The following MTHFD1 variants were observed in gnomAD, a reference collection of about 807,000 sequenced individuals.
MTHFD1 encodes methylenetetrahydrofolate dehydrogenase, cyclohydrolase and formyltetrahydrofolate synthetase 1, also known as C-1-tetrahydrofolate synthase, cytoplasmic.
Under a neutral mutation model 110.3 loss-of-function variants are expected in MTHFD1, and 44 were observed. The ratio of observed to expected loss-of-function variants is 0.40; its 90% CI spans 0.31 to 0.51. MTHFD1 has a LOEUF of 0.51. Among genes scored for constraint, MTHFD1 ranks in the 20% least tolerant of loss-of-function variants. The probability of loss-of-function intolerance (pLI) is 0.60; values close to 1 mark genes in which losing one functional copy is unlikely to be tolerated. For missense variants in MTHFD1, 909 were observed against 1,173.1 expected, an observed-to-expected ratio of 0.77 and a Z score of 3.29; for synonymous variants, 402 against 428.8, an observed-to-expected ratio of 0.94 and a Z score of 0.77.
chr14:64,420,702 T>A (rs1309233565), intron 8 of MTHFD1, among the ~76,000 whole-genome samples: 2 of 152,180 alleles, frequency 1.3e-5, no homozygotes, highest in African/African-American at 4.8e-5. Context: ...ACGTTCACCT[T>A]CTGGCATGGA....
At chr14:64,398,879 T>G (rs2077876690) in intron 1 of MTHFD1, among the ~76,000 whole-genome samples, 1 of 152,254 alleles carries the variant, frequency 6.6e-6, no homozygotes, top group Admixed American at 6.5e-5. Flanking sequence ...TATTTATGGA[T>G]GTAATTTCAT....
At chr14:64,439,894 C>CAAAA (rs760527922) in intron 17 of MTHFD1, among the ~76,000 whole-genome samples, 2 of 56,578 alleles carry the variant, frequency 3.5e-5, no homozygotes, top group Non-Finnish European at 7.2e-5. Context: ...ACTCTGTCTC[C>CAAAA]AAAAAAAAAA....
In MTHFD1 at chr14:64,431,639, G is replaced by C. The variant is rs1459016035; in HGVS notation, c.1419G>C (p.Lys473Asn). 6.2e-7 allele frequency: 1 copy of C among 1,613,766 alleles called. No individual in the cohort carries two copies. Among genetic ancestry groups the C allele is most frequent in the African/African-American group, 1.3e-5 (1 of 74,922 alleles). The change falls in exon 14 of 28, where the codon AAG (lysine) becomes AAC (asparagine). Residue 473 changes from lysine to asparagine, a missense_variant and splice_region_variant. By Grantham distance (94) the Lys-to-Asn change is moderately conservative. Transcript: ENST00000652337. ...TTCATGAACTGACCCAGACAGACAA[G>C]GTAGGATGCCAAAGCCCCATGAACC... ...RIFHELTQTD[K>N]ALFNRLVPSV... is the part of the protein sequence containing the mutation.
At chr14:64,412,588 T>G (rs1391541335) in intron 4 of MTHFD1, 63 bp downstream of exon 4, 1 of 1,321,228 alleles carries the variant, frequency 7.6e-7, no homozygotes, top group African/African-American at 1.4e-5. Flanking sequence ...TGGTTTTGGT[T>G]TACGGGGGCT....
At chr14:64,395,677 G>C (rs1486077775) in intron 1 of MTHFD1, among the ~76,000 whole-genome samples, 1 of 152,126 alleles carries the variant, frequency 6.6e-6, no homozygotes. Context: ...GGCATGCCTG[G>C]AGTCTTTTGG....
At chr14:64,405,281 C>T (rs560250144) in intron 2 of MTHFD1, among the ~76,000 whole-genome samples, 1 of 152,146 alleles carries the variant, frequency 6.6e-6, no homozygotes, top group Admixed American at 6.5e-5. Context: ...TTTTTTTCCT[C>T]CATTTTAAAA....
intron 22 of MTHFD1, among the ~76,000 whole-genome samples, chr14:64,446,779 T>G (rs1440484500): frequency 2.0e-5 from 3 of 152,194 alleles, no homozygotes. Context: ...CCTGACCTCG[T>G]GTTCCACCCG....
rs1425877244 is a variant in MTHFD1 at position 64,417,117 on chromosome 14, T to G, written c.479-771T>G. On this transcript the variant is annotated intron_variant, in intron 6 of 27. Coordinates refer to ENST00000652337, the MANE Select transcript of MTHFD1 (RefSeq NM_005956.4). The surrounding 1 kb of genome is among the most constrained non-coding windows in gnomAD (Gnocchi z 4.4). ...GCTTTCTTCTTTGTGGACAGCTCAT[T>G]TTCGGGCTCCACTTTGTGGCCACAA... 6.6e-6 allele frequency among the ~76,000 whole-genome samples: 1 copy of G among 152,176 alleles called. No homozygotes were observed. The highest frequency in any genetic ancestry group is 1.5e-5 in the Non-Finnish European group (1 of 68,034).
chr14:64,459,081 C>T (rs548581884), intron 27 of MTHFD1, among the ~76,000 whole-genome samples: 2 of 152,322 alleles, frequency 1.3e-5, no homozygotes, highest in South Asian at 2.1e-4. Flanking sequence ...GGAGGAGTGT[C>T]CTGTAAGGTC....
intron 26 of MTHFD1, among the ~76,000 whole-genome samples, chr14:64,457,788 G>T (rs1156325324): frequency 1.3e-5 from 2 of 152,108 alleles, no homozygotes; most frequent in African/African-American, 4.8e-5. Flanking sequence ...AACAGGATCA[G>T]TGACTTGATT....
chr14:64,452,957 G>A (rs1468823347), intron 24 of MTHFD1, among the ~76,000 whole-genome samples: 1 of 151,984 alleles, frequency 6.6e-6, no homozygotes, highest in Non-Finnish European at 1.5e-5. Flanking sequence ...CTGGGCTCAA[G>A]TGATCCTCCT....
intron 24 of MTHFD1, among the ~76,000 whole-genome samples, 170 bp from the exon 25 acceptor site, chr14:64,453,584 A>G (rs1031526540): frequency 1.3e-5 from 2 of 152,140 alleles, no homozygotes; most frequent in Admixed American, 6.5e-5. Context: ...AAACAAAAAG[A>G]AAGTGTTCTT....
At chr14:64,391,638 T>A (rs1343919528) in intron 1 of MTHFD1, among the ~76,000 whole-genome samples, 4 of 152,200 alleles carry the variant, frequency 2.6e-5, no homozygotes, top group Non-Finnish European at 4.4e-5. Flanking sequence ...TGCTCTACTC[T>A]GTGGGAAACT....
chr14:64,444,181 A>C (rs2078271111), intron 21 of MTHFD1, among the ~76,000 whole-genome samples: 1 of 152,032 alleles, frequency 6.6e-6, no homozygotes, highest in Non-Finnish European at 1.5e-5. Context: ...GAGAAAGAAA[A>C]TCCTTCTGTA....
Position 64,449,494 on chromosome 14 carries a change from C to T in MTHFD1, c.2329C>T (p.His777Tyr). 1 of 1,614,132 alleles carries T rather than the reference C, an allele frequency of 6.2e-7. No homozygotes were observed. Among genetic ancestry groups the T allele is most frequent in the Non-Finnish European group, 8.5e-7 (1 of 1,180,052 alleles). The stretch of plus-strand genomic sequence containing the variant: ...CCTCATCAGCCGCCTTTCCAGAGAA[C>T]ATGGGGCTTTTGATGCCGTGAAGTG... Reference protein sequence around the residue: ...LDLISRLSREHGAFDAVKCTH... With the variant: ...LDLISRLSREYGAFDAVKCTH... Residue 777 changes from histidine to tyrosine, a missense_variant, in exon 24 of 28, where the codon CAT becomes TAT. Around this residue, in one of 3 missense-constraint regions of MTHFD1, gnomAD observed 482 missense variants for 646.0 expected, o/e 0.75. Transcript: ENST00000652337.
chr14:64,453,505 G>C (rs1250624390), intron 24 of MTHFD1, among the ~76,000 whole-genome samples: 1 of 152,058 alleles, frequency 6.6e-6, no homozygotes, highest in East Asian at 1.9e-4. Flanking sequence ...TGGGAGGCAG[G>C]GGTTACAGTG....
chr14:64,425,454 G>A (rs145434248), intron 9 of MTHFD1, among the ~76,000 whole-genome samples: 4,936 of 152,090 alleles, frequency 0.032, 175 homozygotes, highest in Admixed American at 0.097. Context: ...CAGGTGATCC[G>A]CCCACCTTGG....
chr14:64,436,368 A>G (rs1439076909), intron 16 of MTHFD1, among the ~76,000 whole-genome samples: 1 of 152,236 alleles, frequency 6.6e-6, no homozygotes, highest in Admixed American at 6.5e-5. Context: ...TGCTGGGATT[A>G]CAGGCATGAG....
chr14:64,428,642 C>A (rs1304636845), intron 12 of MTHFD1, among the ~76,000 whole-genome samples: 1 of 150,134 alleles, frequency 6.7e-6, no homozygotes, highest in Admixed American at 6.7e-5. Context: ...CAACCTCCGC[C>A]TCCTGGTTTC....
Sources: allele counts gnomAD v4.1 joint callset (sites outside exome capture counted in the v4.1 genomes callset), GRCh38; gene constraint gnomAD v4.1.1; regional missense constraint gnomAD v4.1.1; non-coding constraint Gnocchi (gnomAD v3.1); transcripts MANE v1.5; gene names NCBI Gene and HGNC (gene_info 2026-07-23, HGNC 2026-07-21).